MMS22L: variants seen among roughly 807,000 people sequenced by gnomAD.
MMS22L encodes the protein protein MMS22-like.
In MMS22L, 74 loss-of-function variants were observed where a neutral mutation model predicts 159.1. That is an observed-to-expected ratio of 0.47 (90% CI 0.39 to 0.56). The LOEUF (loss-of-function observed/expected upper bound fraction) is 0.56, where lower values mean the gene tolerates loss of function less well. Ranked by LOEUF, MMS22L falls within the 20% of genes least tolerant of loss-of-function variation. MMS22L has a pLI of 0.00. For missense variants in MMS22L, 1,351 were observed against 1,422.1 expected, an observed-to-expected ratio of 0.95 and a Z score of 0.80; for synonymous variants, 517 against 506.9, an observed-to-expected ratio of 1.02 and a Z score of -0.27.
chr6:97,238,605 T>A (rs13213822), intron 11 of MMS22L, among the ~76,000 whole-genome samples: 2 of 119,820 alleles, frequency 1.7e-5, no homozygotes, highest in African/African-American at 7.0e-5. Flanking sequence ...GTGTGTGTGT[T>A]TGAGTGTATC....
chr6:97,260,310 C>G (rs537333721), intron 9 of MMS22L: 1 of 152,216 alleles, frequency 6.6e-6, no homozygotes, highest in Admixed American at 6.5e-5. Context: ...ACAGTTATTT[C>G]CTCCTTGCCT....
intron 18 of MMS22L, among the ~76,000 whole-genome samples, chr6:97,175,160 T>C (rs762261223): frequency 2.4e-4 from 36 of 152,214 alleles, no homozygotes; most frequent in Non-Finnish European, 4.4e-4. Flanking sequence ...GAACATTACA[T>C]GTAAGTAACA....
rs151151615 is a variant in MMS22L, at chr6:97,241,130, T to C, written c.1182+5498A>G. Among the ~76,000 whole-genome samples the C allele has an allele frequency of 1.1e-3, 167 of 152,344 alleles. 1 individual carries two copies. The highest frequency in any genetic ancestry group is 3.9e-3 in the African/African-American group (163 of 41,586). On this transcript the variant is annotated intron_variant, in intron 11 of 24. Transcript: ENST00000683635. ...TCCACTCAATCCAGGTTCCTGCAAA[T>C]ACCATTATTTCATTCCTTTTTAAGG...
intron 19 of MMS22L, among the ~76,000 whole-genome samples, chr6:97,171,210 G>A (rs1803510774): frequency 1.3e-5 from 2 of 152,014 alleles, no homozygotes; most frequent in East Asian, 3.9e-4. Flanking sequence ...ACATGACAAT[G>A]GGAATAAAAA....
chr6:97,278,825 G>A (rs769220280), intron 4 of MMS22L, 24 bp downstream of exon 4: 1 of 1,605,242 alleles, frequency 6.2e-7, no homozygotes, highest in Admixed American at 1.7e-5. Flanking sequence ...ATTCCCTTTT[G>A]CATTAAACAC....
At chr6:97,202,627 T>C (rs1001090254) in intron 14 of MMS22L, among the ~76,000 whole-genome samples, 5 of 152,124 alleles carry the variant, frequency 3.3e-5, no homozygotes, top group Non-Finnish European at 5.9e-5. Flanking sequence ...AAAAATGGAC[T>C]CAGAGGTTAA....
At chr6:97,255,062 T>A (rs2128058676) in intron 9 of MMS22L, among the ~76,000 whole-genome samples, 1 of 152,256 alleles carries the variant, frequency 6.6e-6, no homozygotes, top group East Asian at 1.9e-4. Flanking sequence ...TTGTTTTTTT[T>A]AAATGCATGT....
At chr6:97,167,142 T>C (rs921839703) in intron 20 of MMS22L, among the ~76,000 whole-genome samples, 1 of 152,116 alleles carries the variant, frequency 6.6e-6, no homozygotes, top group Non-Finnish European at 1.5e-5. Context: ...CTTTCCTGAA[T>C]GGCAGATCAA....
At chr6:97,231,068 A>G (rs550706291) in intron 13 of MMS22L, 162 of 183,482 alleles carry the variant, frequency 8.8e-4, no homozygotes, top group African/African-American at 3.7e-3. Flanking sequence ...TAATGTGACC[A>G]AAGTTTATTT....
At chr6:97,239,496 T>C (rs1489908493) in intron 11 of MMS22L, among the ~76,000 whole-genome samples, 1 of 152,236 alleles carries the variant, frequency 6.6e-6, no homozygotes, top group Non-Finnish European at 1.5e-5. Flanking sequence ...TAAAAAACTG[T>C]ACTTAAGTAA....
intron 19 of MMS22L, among the ~76,000 whole-genome samples, chr6:97,170,473 T>C (rs369464282): frequency 6.7e-6 from 1 of 148,426 alleles, no homozygotes; most frequent in Admixed American, 6.7e-5. Context: ...TTTTTTTTTT[T>C]CTTTTTCTGG....
At chr6:97,159,131 AT>A (rs140191756) in intron 22 of MMS22L, among the ~76,000 whole-genome samples, 117 of 144,342 alleles carry the variant, frequency 8.1e-4, no homozygotes, top group East Asian at 3.3e-3. Context: ...GCAACCCCTG[AT>A]TTTTTTTTTT....
At position 97,226,641 on chromosome 6, in the gene MMS22L, T is replaced by C. The variant is rs941059024; in HGVS notation, c.2039+2253A>G. 3.4e-5 allele frequency among the ~76,000 whole-genome samples: 5 copies of C among 145,926 alleles called. 1 individual carries two copies. Among genetic ancestry groups the C allele is most frequent in the Admixed American group, 3.3e-4 (5 of 15,028 alleles). Reference sequence around the variant, plus strand: ...TATATACACATATGTGTATATCCTATACATTCTTTATACATTCTTTATACA... The same window carrying C: ...TATATACACATATGTGTATATCCTACACATTCTTTATACATTCTTTATACA... On this transcript the variant is annotated intron_variant, in intron 14 of 24. Coordinates refer to ENST00000683635, the MANE Select transcript of MMS22L (RefSeq NM_001350599.2).
chr6:97,173,978 G>A (rs1373037849), intron 18 of MMS22L, among the ~76,000 whole-genome samples: 4 of 102,750 alleles, frequency 3.9e-5, no homozygotes, highest in African/African-American at 1.9e-4. Flanking sequence ...AGTGGCCGGT[G>A]CGGTGGCTCC....
intron 14 of MMS22L, among the ~76,000 whole-genome samples, chr6:97,208,369 C>T (rs889580719): frequency 1.8e-4 from 27 of 152,052 alleles, no homozygotes; most frequent in African/African-American, 6.5e-4. Flanking sequence ...TCAACAGACA[C>T]GTCATGCACT....
In MMS22L at chr6:97,272,721, T is replaced by G. The variant is rs1173370557; in HGVS notation, c.589A>C (p.Asn197His). The G allele has an allele frequency of 1.9e-6, 3 of 1,606,248 alleles. No individual in the cohort carries two copies. The highest frequency in any genetic ancestry group is 2.5e-6 in the Non-Finnish European group (3 of 1,178,036). ...LPSVNIGAFV[N>H]QNQIKLFPPS... The stretch of plus-strand genomic sequence containing the variant: ...AGTCAAACCTTAATCTGGTTTTGAT[T>G]TACAAATGCTCCTATATTAACACTG... Residue 197 changes from asparagine (N) to histidine (H), a missense_variant, in exon 6 of 25, where the codon AAT becomes CAT. Transcript: ENST00000683635.
At chr6:97,230,594 T>G (rs1810754803) in intron 13 of MMS22L, 1 of 152,198 alleles carries the variant, frequency 6.6e-6, no homozygotes, top group Non-Finnish European at 1.5e-5. Flanking sequence ...AATAGACTTG[T>G]TATTGAATAA....
intron 14 of MMS22L, among the ~76,000 whole-genome samples, chr6:97,195,950 G>A (rs988190940): frequency 2.0e-5 from 3 of 152,110 alleles, no homozygotes; most frequent in Non-Finnish European, 4.4e-5. Context: ...CCAAATTTTG[G>A]GGGAGAAAAA....
intron 2 of MMS22L, 126 bp from the exon 3 acceptor site, chr6:97,281,488 G>A: frequency 1.4e-6 from 1 of 705,068 alleles, no homozygotes; most frequent in East Asian, 2.7e-5. Flanking sequence ...AAATGCCTTG[G>A]TACTTTACAC....
Sources: gnomAD v4.1 joint callset for allele counts (sites outside exome capture counted in the v4.1 genomes callset) on GRCh38, gnomAD v4.1.1 for gene constraint, MANE v1.5 for transcripts, NCBI Gene and HGNC (gene_info 2026-07-23, HGNC 2026-07-21) for gene names.